NPY2R: variants seen among roughly 807,000 people sequenced by gnomAD.
The protein encoded by NPY2R is neuropeptide Y receptor type 2.
Under a neutral mutation model 22.3 loss-of-function variants are expected in NPY2R, and 17 were observed. That is an observed-to-expected ratio of 0.76 (90% CI 0.52 to 1.14). The LOEUF is 1.14. Ranked by LOEUF, NPY2R falls within the 50% of genes most tolerant of loss-of-function variation. The pLI, the probability that NPY2R is intolerant of heterozygous loss-of-function variation, is 0.00. For missense variants in NPY2R, 424 were observed against 467.9 expected (o/e 0.91, Z 0.87); for synonymous variants, 209 against 183.4 (o/e 1.14, Z -1.13).
chr4:155,201,767 T>C, the NPY2R span, among the ~76,000 whole-genome samples: 1 of 152,010 alleles, frequency 6.6e-6, no homozygotes, highest in South Asian at 2.1e-4. Flanking sequence ...TTATAGAAAA[T>C]TGTGAAATTT....
At chr4:155,213,865 T>A (rs1729453406) in intron 1 of NPY2R, 27 bp from the exon 2 acceptor site, 2 of 1,206,686 alleles carry the variant, frequency 1.7e-6, no homozygotes, top group African/African-American at 3.0e-5. Flanking sequence ...TGTTGTTGTT[T>A]TGTTTTATTT....
chr4:155,204,839 G>A (rs138239995), upstream of NPY2R, among the ~76,000 whole-genome samples: 438 of 127,412 alleles, frequency 3.4e-3, 1 homozygote, highest in African/African-American at 0.012. Context: ...CTCCCTATGT[G>A]GTTACAGTTG....
chr4:155,196,600 GT>G, the NPY2R span, among the ~76,000 whole-genome samples: 2 of 151,888 alleles, frequency 1.3e-5, no homozygotes, highest in Non-Finnish European at 2.9e-5. Flanking sequence ...GTTTTGAGTA[GT>G]AGTTTGAATT....
At position 155,214,922 on chromosome 4, in the gene NPY2R, T is replaced by C. The variant is rs745378189; in HGVS notation, c.983T>C (p.Met328Thr). The C allele has an allele frequency of 1.9e-6, 3 of 1,613,990 alleles. No individual in the cohort carries two copies. The highest frequency in any genetic ancestry group is 1.7e-6 in the Non-Finnish European group (2 of 1,179,878). The change falls in exon 2 of 2, where the codon ATG (methionine) becomes ACG (threonine). Residue 328 changes from methionine to threonine, a missense_variant. Met to Thr is a moderately conservative substitution (Grantham distance 81, BLOSUM62 -1). Transcript: ENST00000329476. The part of the protein sequence containing the change: ...TFANPLLYGW[M>T]NSNYRKAFLS... ...GCCAATCCCCTTCTCTATGGCTGGA[T>C]GAACAGCAACTACAGAAAGGCTTTC...
At chr4:155,196,061 T>C in the NPY2R span, among the ~76,000 whole-genome samples, 2 of 152,022 alleles carry the variant, frequency 1.3e-5, no homozygotes, top group Non-Finnish European at 2.9e-5. Context: ...AAATCATAAA[T>C]GCATTGCCCA....
At chr4:155,175,888 C>CACCT in the NPY2R span, among the ~76,000 whole-genome samples, 2 of 152,094 alleles carry the variant, frequency 1.3e-5, no homozygotes, top group Non-Finnish European at 2.9e-5. Context: ...GGGTCACACA[C>CACCT]ACCTGGGAAG....
chr4:155,180,759 ACTGT>A, the NPY2R span, among the ~76,000 whole-genome samples: 1 of 151,906 alleles, frequency 6.6e-6, no homozygotes. Context: ...CATGTTAGTA[ACTGT>A]CTATTTGTAT....
chr4:155,177,286 A>G, the NPY2R span, among the ~76,000 whole-genome samples: 61,162 of 152,010 alleles, frequency 0.4, 14,473 homozygotes, highest in African/African-American at 0.65. Context: ...GTGAAATCAA[A>G]CAAGTTATAT....
rs1729358497 is a variant in NPY2R, at chr4:155,209,542, T to A, written c.-49+473T>A. Among the ~76,000 whole-genome samples, 3 of 152,064 alleles carry A rather than the reference T, an allele frequency of 2.0e-5. No homozygotes were observed. The South Asian group carries it at 6.2e-4, about 31-fold the overall frequency. The stretch of plus-strand genomic sequence containing the variant: ...TGAGACTTTTTGCAATAGGTACACA[T>A]CATTTAAAATTCAGTGACATGAAAT... On this transcript the variant is annotated intron_variant, in intron 1 of 1. Transcript: ENST00000329476.
chr4:155,192,297 T>C, the NPY2R span, among the ~76,000 whole-genome samples: 2 of 151,850 alleles, frequency 1.3e-5, no homozygotes, highest in South Asian at 2.1e-4. Context: ...CAATTTTGTA[T>C]CTGTTAGAAC....
At chr4:155,212,290 C>T (rs907695844) in intron 1 of NPY2R, among the ~76,000 whole-genome samples, 1 of 152,094 alleles carries the variant, frequency 6.6e-6, no homozygotes, top group Non-Finnish European at 1.5e-5. Flanking sequence ...TGGTGTTGGG[C>T]TCTGAATGCT....
At chr4:155,181,371 T>G in the NPY2R span, among the ~76,000 whole-genome samples, 1 of 152,164 alleles carries the variant, frequency 6.6e-6, no homozygotes, top group East Asian at 1.9e-4. Context: ...GTGTGAAATA[T>G]TCAAAGAGTT....
the NPY2R span, chr4:155,173,791 A>G: frequency 9.9e-5 from 15 of 152,142 alleles, no homozygotes; most frequent in South Asian, 2.5e-3. Context: ...TATCAAACAT[A>G]AACAGGTAAC....
chr4:155,185,019 G>T, the NPY2R span, among the ~76,000 whole-genome samples: 2 of 145,968 alleles, frequency 1.4e-5, no homozygotes, highest in Non-Finnish European at 3.0e-5. Flanking sequence ...TAAAAATCCT[G>T]TTAGGTACAA....
the NPY2R span, among the ~76,000 whole-genome samples, chr4:155,193,434 G>A: frequency 1.9e-3 from 294 of 151,984 alleles, 2 homozygotes; most frequent in Non-Finnish European, 3.5e-3. Flanking sequence ...TATCCAAGGT[G>A]CAAGCAGGAA....
rs1005435021 is a variant in NPY2R, at chr4:155,216,774, G to T, written c.*1689G>T. ...GTATATCTGTAATATATAATCAAAT[G>T]ATTCATTTTTCTGTTAGACTAGGCA... is the stretch of plus-strand genomic sequence containing the variant. On this transcript the variant is annotated 3_prime_UTR_variant, in exon 2 of 2. Coordinates refer to ENST00000329476, the MANE Select transcript of NPY2R (RefSeq NM_000910.4). 1 of 166,906 alleles carries T rather than the reference G, an allele frequency of 6.0e-6. No individual in the cohort carries two copies. Among genetic ancestry groups the T allele is most frequent in the Non-Finnish European group, 1.5e-5 (1 of 68,048 alleles). 10.3% of individuals were successfully genotyped at this position (166,906 alleles called of 1,614,324 possible). A position where few individuals can be genotyped will look rare whatever the true frequency, so the allele number is the denominator to read the frequency against.
chr4:155,197,188 C>A, the NPY2R span, among the ~76,000 whole-genome samples: 1 of 151,826 alleles, frequency 6.6e-6, no homozygotes, highest in African/African-American at 2.4e-5. Context: ...TTACATCCAA[C>A]TTCATATCTT....
the NPY2R span, among the ~76,000 whole-genome samples, chr4:155,187,594 T>C: frequency 6.6e-6 from 1 of 152,110 alleles, no homozygotes; most frequent in African/African-American, 2.4e-5. Context: ...CAGTGCAGTT[T>C]AATTGGCTTC....
intron 1 of NPY2R, among the ~76,000 whole-genome samples, chr4:155,209,389 C>T (rs1035095425): frequency 2.6e-5 from 4 of 152,180 alleles, no homozygotes; most frequent in African/African-American, 7.2e-5. Context: ...GCAGAAGGTC[C>T]TATTGGATTC....
Sources: gnomAD v4.1 joint callset for allele counts (sites outside exome capture counted in the v4.1 genomes callset) on GRCh38, gnomAD v4.1.1 for gene constraint, MANE v1.5 for transcripts, NCBI Gene and HGNC (gene_info 2026-07-23, HGNC 2026-07-21) for gene names.